NFX1: variants seen among roughly 807,000 people sequenced by gnomAD.
NFX1 encodes the protein nuclear transcription factor, X-box binding 1, also known as transcriptional repressor NF-X1.
Under a neutral mutation model 137.2 loss-of-function variants are expected in NFX1, and 69 were observed. That is an observed-to-expected ratio of 0.50 (90% CI 0.41 to 0.61). The LOEUF is 0.61. NFX1 is among the 20% of genes least tolerant of loss of function. NFX1 has a pLI of 0.00. For missense variants in NFX1, 1,167 were observed against 1,391.0 expected (o/e 0.84, Z 2.56); for synonymous variants, 495 against 474.1 (o/e 1.04, Z -0.57).
chr9:33,307,794 C>CTTTT (rs139468485), intron 5 of NFX1, among the ~76,000 whole-genome samples: 2 of 85,342 alleles, frequency 2.3e-5, no homozygotes, highest in African/African-American at 4.4e-5. Flanking sequence ...TTCTTTCTTT[C>CTTTT]TTTTTTTTTT....
chr9:33,298,765 C>T (rs372448867), intron 2 of NFX1, among the ~76,000 whole-genome samples: 1 of 151,746 alleles, frequency 6.6e-6, no homozygotes, highest in African/African-American at 2.4e-5. Flanking sequence ...GCCTGGGTGA[C>T]AGAATAAGAA....
At chr9:33,294,249 C>T (rs545058781) in intron 1 of NFX1, among the ~76,000 whole-genome samples, 171 bp from the exon 2 acceptor site, 1 of 152,278 alleles carries the variant, frequency 6.6e-6, no homozygotes, top group East Asian at 1.9e-4. Flanking sequence ...ATTGATTAGT[C>T]CTCCACAAGC....
chr9:33,353,593 A>G (rs970752508), intron 17 of NFX1, among the ~76,000 whole-genome samples: 2 of 151,844 alleles, frequency 1.3e-5, no homozygotes, highest in Non-Finnish European at 2.9e-5. Context: ...AGCTGCTTTG[A>G]ATATAATTGA....
At chr9:33,351,998 G>A in intron 16 of NFX1, 1 of 506,248 alleles carries the variant, frequency 2.0e-6, no homozygotes, top group Non-Finnish European at 3.5e-6. Flanking sequence ...GGTACCCACT[G>A]CCACCGGACC....
At chr9:33,337,793 A>G (rs1250001412) in intron 11 of NFX1, among the ~76,000 whole-genome samples, 1 of 152,042 alleles carries the variant, frequency 6.6e-6, no homozygotes, top group African/African-American at 2.4e-5. Flanking sequence ...TCACACCTGT[A>G]ATCCCAGCAC....
intron 19 of NFX1, among the ~76,000 whole-genome samples, chr9:33,362,625 G>A (rs948497410): frequency 6.6e-6 from 1 of 151,782 alleles, no homozygotes; most frequent in African/African-American, 2.4e-5. Flanking sequence ...GGTGGAAAAG[G>A]GAGGTTGAGG....
intron 9 of NFX1, among the ~76,000 whole-genome samples, chr9:33,326,694 G>T (rs1325943333): frequency 6.6e-6 from 1 of 152,180 alleles, no homozygotes; most frequent in African/African-American, 2.4e-5. Flanking sequence ...ATTCCAGCCT[G>T]AGTGACAAGA....
At chr9:33,336,496 G>C (rs1823009758) in intron 11 of NFX1, among the ~76,000 whole-genome samples, 1 of 152,194 alleles carries the variant, frequency 6.6e-6, no homozygotes. Flanking sequence ...TTACAGGCGT[G>C]AGCCACCGCA....
chr9:33,333,670 T>A (rs1445712138), intron 11 of NFX1, among the ~76,000 whole-genome samples: 1 of 152,140 alleles, frequency 6.6e-6, no homozygotes, highest in South Asian at 2.1e-4. Flanking sequence ...GTACACAACA[T>A]CCACCCCTGG....
intron 7 of NFX1, 94 bp downstream of exon 7, chr9:33,313,887 T>G: frequency 7.4e-7 from 1 of 1,345,210 alleles, no homozygotes; most frequent in Non-Finnish European, 1.0e-6. Flanking sequence ...TGTCAGACTT[T>G]TAGTCACAAA....
At chr9:33,369,849 C>T in intron 23 of NFX1, 57 bp from the exon 24 acceptor site, 1 of 1,226,192 alleles carries the variant, frequency 8.2e-7, no homozygotes, top group Non-Finnish European at 1.2e-6. Context: ...TTTCTGAAGT[C>T]CTGTATCTGT....
In NFX1 at chr9:33,319,094, G is replaced by C. The variant is rs1822287027; in HGVS notation, c.1873G>C (p.Val625Leu). The part of the protein sequence containing the change: ...CMDPVPSCGK[V>L]CGKPLPCGSL... ...GGACCCTGTGCCTTCATGTGGAAAAGTGTGCGGCAAGCCTCTGCCTTGTGG... is the reference window on the plus strand; with the variant it reads ...GGACCCTGTGCCTTCATGTGGAAAACTGTGCGGCAAGCCTCTGCCTTGTGG... Residue 625 changes from valine to leucine, a missense_variant, in exon 9 of 24, where the codon GTG (valine) becomes CTG (leucine). By Grantham distance (32) the Val-to-Leu change is conservative. Coordinates refer to ENST00000379540, the MANE Select transcript of NFX1 (RefSeq NM_002504.6). 6.2e-7 allele frequency: 1 copy of C among 1,614,128 alleles called. No individual in the cohort carries two copies. The highest frequency in any genetic ancestry group is 8.5e-7 in the Non-Finnish European group (1 of 1,180,056).
At chr9:33,310,762 A>C (rs781125716) in intron 5 of NFX1, among the ~76,000 whole-genome samples, 4 of 152,142 alleles carry the variant, frequency 2.6e-5, no homozygotes, top group Non-Finnish European at 5.9e-5. Flanking sequence ...TCTGCCTTTT[A>C]CCTGAGTAGC....
At chr9:33,302,994 C>T (rs908834731) in intron 3 of NFX1, among the ~76,000 whole-genome samples, 197 bp from the exon 4 acceptor site, 6 of 149,408 alleles carry the variant, frequency 4.0e-5, no homozygotes, top group Middle Eastern at 6.8e-3. Context: ...TTTAATGAAC[C>T]CCATATTTAG....
intron 5 of NFX1, among the ~76,000 whole-genome samples, chr9:33,309,083 C>G (rs534856121): frequency 2.2e-4 from 33 of 152,228 alleles, no homozygotes; most frequent in Middle Eastern, 3.4e-3. Context: ...CCTGGCTGGG[C>G]GCGGTGGCTC....
At chr9:33,314,022 C>T (rs1252328368) in intron 7 of NFX1, among the ~76,000 whole-genome samples, 7 of 152,100 alleles carry the variant, frequency 4.6e-5, no homozygotes, top group African/African-American at 1.2e-4. Flanking sequence ...CTCACTCTGC[C>T]GCCCAGGCTG....
intron 11 of NFX1, among the ~76,000 whole-genome samples, chr9:33,333,982 T>G (rs1822905915): frequency 6.6e-6 from 1 of 151,938 alleles, no homozygotes; most frequent in Non-Finnish European, 1.5e-5. Context: ...CCATCTCTAC[T>G]AAAAATACAA....
intron 11 of NFX1, among the ~76,000 whole-genome samples, chr9:33,336,884 T>G (rs1048130276): frequency 6.6e-6 from 1 of 152,130 alleles, no homozygotes; most frequent in Non-Finnish European, 1.5e-5. Flanking sequence ...GGCGGATCAC[T>G]TGAGGTCAGG....
chr9:33,301,510 T>C, intron 3 of NFX1, 89 bp downstream of exon 3: 1 of 1,418,510 alleles, frequency 7.0e-7, no homozygotes, highest in African/African-American at 1.4e-5. Flanking sequence ...TACAGTTTAA[T>C]TTCTCTTAAC....
Sources: allele counts gnomAD v4.1 joint callset (sites outside exome capture counted in the v4.1 genomes callset), GRCh38; gene constraint gnomAD v4.1.1; transcripts MANE v1.5; gene names NCBI Gene and HGNC (gene_info 2026-07-23, HGNC 2026-07-21).